PCDHGA2: variants seen among roughly 807,000 people sequenced by gnomAD.
PCDHGA2 encodes the protein protocadherin gamma subfamily A, 2, also known as protocadherin gamma-A2.
PCDHGA2 carries 40 observed loss-of-function variants against 59.2 expected under a neutral mutation model. That is an observed-to-expected ratio of 0.68 (90% confidence interval 0.52 to 0.88). The LOEUF (loss-of-function observed/expected upper bound fraction) is 0.88, where lower values mean the gene tolerates loss of function less well. Ranked by LOEUF, PCDHGA2 falls within the 40% of genes least tolerant of loss-of-function variation. PCDHGA2 has a pLI of 0.00. For synonymous variants in PCDHGA2, 560 were observed against 526.0 expected, an observed-to-expected ratio of 1.06 and a Z score of -0.89; for missense variants, 1,226 against 1,204.0, an observed-to-expected ratio of 1.02 and a Z score of -0.27.
At chr5:141,364,658 G>C in intron 1 of PCDHGA2, 1 of 1,614,020 alleles carries the variant, frequency 6.2e-7, no homozygotes, top group Non-Finnish European at 8.5e-7. Context: ...TAACATCTTG[G>C]TTGAGAACAA....
At chr5:141,443,728 C>T (rs1434984241) in intron 1 of PCDHGA2, among the ~76,000 whole-genome samples, 1 of 152,060 alleles carries the variant, frequency 6.6e-6, no homozygotes, top group Admixed American at 6.5e-5. Flanking sequence ...ATTCCTCATA[C>T]ATTTCCCTAT....
intron 1 of PCDHGA2, chr5:141,374,173 G>A: frequency 6.2e-7 from 1 of 1,613,470 alleles, no homozygotes; most frequent in Non-Finnish European, 8.5e-7. Flanking sequence ...CGGCAGCGCA[G>A]ATCCGCTACT....
At chr5:141,394,458 A>G (rs776488659) in intron 1 of PCDHGA2, 1 of 1,614,218 alleles carries the variant, frequency 6.2e-7, no homozygotes, top group South Asian at 1.1e-5. Context: ...CATGTCACTG[A>G]GCCTGTTCGT....
intron 1 of PCDHGA2, among the ~76,000 whole-genome samples, chr5:141,456,955 T>A (rs1352654794): frequency 2.6e-5 from 4 of 151,974 alleles, no homozygotes; most frequent in African/African-American, 7.3e-5. Flanking sequence ...AGAGCAAAAC[T>A]CCATCTCAAA....
Position 141,485,863 on chromosome 5 carries a change from A to G in PCDHGA2, c.2425-8944A>G, listed in dbSNP as rs770864367. 78 of 1,614,054 alleles carry G rather than the reference A, an allele frequency of 4.8e-5. No individual in the cohort carries two copies. Among genetic ancestry groups the G allele is most frequent in the Non-Finnish European group, 6.0e-5 (71 of 1,180,040 alleles). ...GATCTGGCACCGCAGAGCTCCGGGT[A>G]TCCGTGCTGGACGTAAACGACAACG... On this transcript the variant is annotated intron_variant, in intron 1 of 3. Coordinates refer to ENST00000394576, the MANE Select transcript of PCDHGA2 (RefSeq NM_018915.4). The surrounding 1 kb of genome is among the most constrained non-coding windows in gnomAD (Gnocchi z 5.7).
chr5:141,420,911 T>C (rs948220220), intron 1 of PCDHGA2: 6 of 313,968 alleles, frequency 1.9e-5, no homozygotes, highest in Admixed American at 1.8e-4. Flanking sequence ...CAAATACGTG[T>C]GATTCACAAA....
chr5:141,400,209 G>T (rs371270054), intron 1 of PCDHGA2: 8 of 1,613,934 alleles, frequency 5.0e-6, no homozygotes, highest in African/African-American at 2.7e-5. Flanking sequence ...CCTTGGCCTT[G>T]ATCTCAGTGC....
intron 1 of PCDHGA2, chr5:141,419,661 A>G (rs1363084793): frequency 2.5e-6 from 4 of 1,612,714 alleles, no homozygotes; most frequent in East Asian, 2.2e-5. Flanking sequence ...TCGGGGCACA[A>G]TGCCTGGCTG....
intron 1 of PCDHGA2, chr5:141,400,023 C>T (rs755667675): frequency 1.1e-5 from 18 of 1,612,872 alleles, no homozygotes; most frequent in Non-Finnish European, 1.3e-5. Context: ...GCGACAGGGA[C>T]GCGGCCCGCC....
intron 1 of PCDHGA2, among the ~76,000 whole-genome samples, chr5:141,381,826 C>CTTTTTTTTTTTTTTTTT (rs770630741): frequency 6.7e-5 from 5 of 74,282 alleles, no homozygotes; most frequent in Admixed American, 1.9e-4. Flanking sequence ...CTTTCTTCTT[C>CTTTTTTTTTTTTTTTTT]TTTTTTTTTT....
intron 1 of PCDHGA2, among the ~76,000 whole-genome samples, chr5:141,445,871 T>C (rs1318495005): frequency 6.6e-6 from 1 of 152,198 alleles, no homozygotes; most frequent in Non-Finnish European, 1.5e-5. Context: ...TTGTTCTAAA[T>C]ACCCTTGTAC....
rs70988800 is a variant in PCDHGA2, at chr5:141,379,889, C to CTTTTTTTTTTTTTTTTTTTT, written c.2424+38505_2424+38524dup. 2.5e-3 allele frequency among the ~76,000 whole-genome samples: 127 copies of CTTTTTTTTTTTTTTTTTTTT among 50,836 alleles called. 11 individuals carry two copies. The highest frequency in any genetic ancestry group is 3.1e-3 in the Non-Finnish European group (79 of 25,888). The allele number at this position is 50,836 out of a possible 152,430, so 33.4% of individuals were successfully genotyped here. On this transcript the variant is annotated intron_variant, in intron 1 of 3. Transcript: ENST00000394576. ...CTTATTTTATGGTCTGTGAAAGCCT[C>CTTTTTTTTTTTTTTTTTTTT]TTTTTTTTTTTTTTTTTTTTTTTTT...
intron 1 of PCDHGA2, among the ~76,000 whole-genome samples, chr5:141,483,010 G>C (rs574078222): frequency 6.6e-6 from 1 of 152,006 alleles, no homozygotes; most frequent in Non-Finnish European, 1.5e-5. Flanking sequence ...GCTTGAACCC[G>C]GGAGGCAGAG....
At chr5:141,428,333 T>A in intron 1 of PCDHGA2, 1 of 618,518 alleles carries the variant, frequency 1.6e-6, no homozygotes, top group Non-Finnish European at 2.9e-6. Context: ...ATTTCTATGC[T>A]CTTCTTCCTC....
At chr5:141,346,221 G>A in intron 1 of PCDHGA2, 1 of 1,614,218 alleles carries the variant, frequency 6.2e-7, no homozygotes, top group Non-Finnish European at 8.5e-7. Flanking sequence ...GGCTTCGGGA[G>A]GCGGCTTGGC....
rs770619389 is a variant in PCDHGA2 at position 141,490,764 on chromosome 5, T to C, written c.2425-4043T>C. On this transcript the variant is annotated intron_variant, in intron 1 of 3. Coordinates refer to ENST00000394576, the MANE Select transcript of PCDHGA2 (RefSeq NM_018915.4). The surrounding 1 kb of genome is among the most constrained non-coding windows in gnomAD (Gnocchi z 5.4). ...GAGCCCCAGCCTCCTCCTTTGTGTA[T>C]GTCAACCCAGAGGATGGACGGATCT... is the stretch of plus-strand genomic sequence containing the variant. 22 of 1,613,970 alleles carry C rather than the reference T, an allele frequency of 1.4e-5. No individual in the cohort carries two copies. Among genetic ancestry groups the C allele is most frequent in the Non-Finnish European group, 1.6e-5 (19 of 1,179,928 alleles).
At chr5:141,381,409 G>T (rs998398001) in intron 1 of PCDHGA2, among the ~76,000 whole-genome samples, 1 of 152,220 alleles carries the variant, frequency 6.6e-6, no homozygotes, top group Non-Finnish European at 1.5e-5. Context: ...CAACATCAGT[G>T]GAGAGACGAG....
chr5:141,506,737 C>T (rs893758261), intron 3 of PCDHGA2, among the ~76,000 whole-genome samples: 5 of 152,076 alleles, frequency 3.3e-5, no homozygotes, highest in African/African-American at 1.2e-4. Flanking sequence ...AGAATAATGC[C>T]TATTAATAAA....
At chr5:141,398,314 A>C in intron 1 of PCDHGA2, 1 of 1,348,682 alleles carries the variant, frequency 7.4e-7, no homozygotes, top group Non-Finnish European at 1.0e-6. Context: ...GGAGTTACCG[A>C]CTCGAAAACT....
Sources: allele counts gnomAD v4.1 joint callset (sites outside exome capture counted in the v4.1 genomes callset), GRCh38; gene constraint gnomAD v4.1.1; non-coding constraint Gnocchi (gnomAD v3.1); transcripts MANE v1.5; gene names NCBI Gene and HGNC (gene_info 2026-07-23, HGNC 2026-07-21).